RNF103: variants seen among roughly 807,000 people sequenced by gnomAD.
RNF103 encodes E3 ubiquitin-protein ligase RNF103.
Under a neutral mutation model 66.2 loss-of-function variants are expected in RNF103, and 23 were observed. The observed-to-expected ratio is 0.35, with a 90% CI of 0.25 to 0.49. RNF103 has a LOEUF of 0.49. RNF103 is among the 20% of genes least tolerant of loss of function. The pLI is 0.98. For synonymous variants in RNF103, 297 were observed against 289.9 expected, an observed-to-expected ratio of 1.02 and a Z score of -0.25; for missense variants, 730 against 814.7, an observed-to-expected ratio of 0.90 and a Z score of 1.27.
chr2:86,623,428 A>AGGCCC lies in RNF103; in HGVS notation c.-547_-543dup, dbSNP rs1679316316. ...GGAGGGCGCGGCGCTCGGCCGGGCCAGGCCCGGGGCCCAGCGTGTTCTGCG... is the reference window on the plus strand; with the variant it reads ...GGAGGGCGCGGCGCTCGGCCGGGCCAGGCCCGGCCCGGGGCCCAGCGTGTTCTGCG... On this transcript the variant is annotated 5_prime_UTR_variant, in exon 1 of 4. Transcript: ENST00000237455. 2.0e-6 allele frequency: 2 copies of AGGCCC among 980,384 alleles called. No individual in the cohort carries two copies. The highest frequency in any genetic ancestry group is 1.3e-4 in the Admixed American group (2 of 15,918). The allele number at this position is 980,384 out of a possible 1,614,324, so 60.7% of individuals were successfully genotyped here.
chr2:86,603,664 T>G lies in RNF103; in HGVS notation c.*179A>C. The G allele has an allele frequency of 1.3e-6, 1 of 797,788 alleles. No homozygotes were observed. Among genetic ancestry groups the G allele is most frequent in the African/African-American group, 1.8e-5 (1 of 57,000 alleles). The allele number at this position is 797,788 out of a possible 1,614,324, so 49.4% of individuals were successfully genotyped here. ...AATAAAAAAATTTTACAATTAGGTATGCATTCAATTAACACACAAGGCAAC... is the reference window on the plus strand; with the variant it reads ...AATAAAAAAATTTTACAATTAGGTAGGCATTCAATTAACACACAAGGCAAC... On this transcript the variant is annotated 3_prime_UTR_variant, in exon 4 of 4. Transcript: ENST00000237455.
chr2:86,606,881 G>A (rs942920775), intron 3 of RNF103, among the ~76,000 whole-genome samples: 4 of 151,884 alleles, frequency 2.6e-5, no homozygotes, highest in Non-Finnish European at 5.9e-5. Context: ...GGGCTCAAGC[G>A]ATTCTCCTGC....
intron 3 of RNF103, among the ~76,000 whole-genome samples, chr2:86,609,972 A>G (rs1573357557): frequency 6.6e-6 from 1 of 152,002 alleles, no homozygotes; most frequent in Non-Finnish European, 1.5e-5. Context: ...AATTCTGAAC[A>G]CTCTTCTCTA....
chr2:86,612,683 C>T (rs1678845368), intron 2 of RNF103: 1 of 153,438 alleles, frequency 6.5e-6, no homozygotes, highest in African/African-American at 2.4e-5. Context: ...AAAATTATCA[C>T]ATGTAGGTTC....
intron 2 of RNF103, among the ~76,000 whole-genome samples, chr2:86,616,027 C>T (rs1268748642): frequency 6.6e-6 from 1 of 152,172 alleles, no homozygotes; most frequent in African/African-American, 2.4e-5. Context: ...AATCAAAGTC[C>T]CTTCCCCAGC....
chr2:86,604,229 G>C lies in RNF103; in HGVS notation c.1672C>G (p.Gln558Glu). The change falls in exon 4 of 4, where the codon CAA (glutamine) becomes GAA (glutamate). Residue 558 changes from glutamine to glutamate, a missense_variant. This residue lies in a region of RNF103 where 355 missense variants were observed against 351.9 expected (regional missense o/e 1.01). Coordinates refer to ENST00000237455, the MANE Select transcript of RNF103 (RefSeq NM_005667.4). The part of the protein sequence containing the change: ...SSEKEVFEDK[Q>E]SVLHNSPGTA... Reference sequence around the variant, plus strand: ...CCTGGAGAATTGTGAAGTACGCTTTGCTTATCTTCAAATACTTCCTTCTCA... The same window carrying C: ...CCTGGAGAATTGTGAAGTACGCTTTCCTTATCTTCAAATACTTCCTTCTCA... The C allele has an allele frequency of 6.2e-7, 1 of 1,614,074 alleles. No individual in the cohort carries two copies. Among genetic ancestry groups the C allele is most frequent in the Non-Finnish European group, 8.5e-7 (1 of 1,180,034 alleles).
chr2:86,615,571 G>T (rs185240062), intron 2 of RNF103, among the ~76,000 whole-genome samples: 2 of 147,472 alleles, frequency 1.4e-5, no homozygotes, highest in East Asian at 2.1e-4. Flanking sequence ...TGTCATACCA[G>T]TAAGAGTCCC....
At chr2:86,617,627 C>T in intron 2 of RNF103, 1 of 980,392 alleles carries the variant, frequency 1.0e-6, no homozygotes, top group Admixed American at 6.1e-5. Context: ...GGGGGGACTA[C>T]TGTAAACAGA....
At position 86,604,435 on chromosome 2, in the gene RNF103, A is replaced by C; in HGVS notation, c.1466T>G (p.Phe489Cys). The C allele has an allele frequency of 6.2e-7, 1 of 1,614,230 alleles. No individual in the cohort carries two copies. Among genetic ancestry groups the C allele is most frequent in the Non-Finnish European group, 8.5e-7 (1 of 1,180,028 alleles). ...GTCAGGGAAAGCTAAGCGCTCCAAGAATAAGTCAGGGTCTTCGTCCCAATC... is the reference window on the plus strand; with the variant it reads ...GTCAGGGAAAGCTAAGCGCTCCAAGCATAAGTCAGGGTCTTCGTCCCAATC... ...ESDWDEDPDL[F>C]LERLAFPDLW... is the part of the protein sequence containing the mutation. The change falls in exon 4 of 4, where the codon TTC becomes TGC. Residue 489 changes from phenylalanine (F) to cysteine (C), a missense_variant. By Grantham distance (205) the Phe-to-Cys change is radical (BLOSUM62 -2). Around this residue, in one of 3 missense-constraint regions of RNF103, gnomAD observed 355 missense variants for 351.9 expected, o/e 1.01. Transcript: ENST00000237455.
Position 86,623,831 on chromosome 2 carries a change from A to G in RNF103, c.-945T>C, listed in dbSNP as rs971435305. ...GCGGCCGTACCCTCCACAACCGTGT[A>G]TCAGCGGCGGCCGCGGCCGGAGCCG... On this transcript the variant is annotated 5_prime_UTR_variant, in exon 1 of 4. Coordinates refer to ENST00000237455, the MANE Select transcript of RNF103 (RefSeq NM_005667.4). 6 of 1,288,004 alleles carry G rather than the reference A, an allele frequency of 4.7e-6. No individual in the cohort carries two copies. Among genetic ancestry groups the G allele is most frequent in the Non-Finnish European group, 6.1e-6 (6 of 988,316 alleles). 79.8% of individuals were successfully genotyped at this position (1,288,004 alleles called of 1,614,324 possible).
At position 86,617,878 on chromosome 2, in the gene RNF103, G is replaced by C. The variant is rs185201104; in HGVS notation, c.366+2452C>G. 7 of 1,081,334 alleles carry C rather than the reference G, an allele frequency of 6.5e-6. No individual in the cohort carries two copies. The East Asian group carries it at 4.6e-4, about 71-fold the overall frequency. 67.0% of individuals were successfully genotyped at this position (1,081,334 alleles called of 1,614,324 possible). A position where few individuals can be genotyped will look rare whatever the true frequency, so the allele number is the denominator to read the frequency against. On this transcript the variant is annotated intron_variant, in intron 2 of 3. Transcript: ENST00000237455. ...GCTAGTTCACAGTGCCAAGGACAGG[G>C]TTTCAATCTCATTCTTCTCAGTTGT...
rs1162005941 is a variant in RNF103 at position 86,623,263 on chromosome 2, G to GGGTCGGCCCTCCGGTGCCGC, written c.-397_-378dup. ...GGGGCGGGCACTGACCCAGGTGGCG[G>GGGTCGGCCCTCCGGTGCCGC]GGTCGGCCCTCCGGTGCCGCGATCT... On this transcript the variant is annotated 5_prime_UTR_variant, in exon 1 of 4. Transcript: ENST00000237455. 7.0e-6 allele frequency: 7 copies of GGGTCGGCCCTCCGGTGCCGC among 1,000,032 alleles called. No homozygotes were observed. The East Asian group carries it at 6.5e-4, about 93-fold the overall frequency. 61.9% of individuals were successfully genotyped at this position (1,000,032 alleles called of 1,614,324 possible).
In RNF103 at chr2:86,604,226, T is replaced by C. The variant is rs962463927; in HGVS notation, c.1675A>G (p.Ser559Gly). The C allele has an allele frequency of 6.2e-7, 1 of 1,614,138 alleles. No individual in the cohort carries two copies. Among genetic ancestry groups the C allele is most frequent in the Non-Finnish European group, 8.5e-7 (1 of 1,180,042 alleles). Residue 559 changes from serine to glycine, a missense_variant, in exon 4 of 4, where the codon AGC becomes GGC. This residue lies in a region of RNF103 where 355 missense variants were observed against 351.9 expected (regional missense o/e 1.01). Transcript: ENST00000237455. ...SEKEVFEDKQ[S>G]VLHNSPGTAS... ...GTTCCTGGAGAATTGTGAAGTACGC[T>C]TTGCTTATCTTCAAATACTTCCTTC...
intron 2 of RNF103, chr2:86,617,204 G>A (rs1489153916): frequency 1.0e-6 from 1 of 984,522 alleles, no homozygotes; most frequent in Non-Finnish European, 1.2e-6. Context: ...ACCTGGAAAA[G>A]CTTAAAAATA....
rs764796509 is a variant in RNF103 at position 86,604,421 on chromosome 2, C to T, written c.1480G>A (p.Ala494Thr). ...EDPDLFLERLAFPDLWLHPLI... is the reference protein window; with the variant it reads ...EDPDLFLERLTFPDLWLHPLI... The stretch of plus-strand genomic sequence containing the variant: ...GGGTGAAGCCAAAGGTCAGGGAAAG[C>T]TAAGCGCTCCAAGAATAAGTCAGGG... The change falls in exon 4 of 4, where the codon GCT becomes ACT. Residue 494 changes from alanine (A) to threonine (T), a missense_variant. Ala to Thr is a moderately conservative substitution (Grantham distance 58). This residue lies in a region of RNF103 where 355 missense variants were observed against 351.9 expected (regional missense o/e 1.01). Coordinates refer to ENST00000237455, the MANE Select transcript of RNF103 (RefSeq NM_005667.4). The T allele has an allele frequency of 2.5e-6, 4 of 1,614,092 alleles. No individual in the cohort carries two copies. The highest frequency in any genetic ancestry group is 1.3e-5 in the African/African-American group (1 of 74,944).
chr2:86,607,204 C>A (rs1678605839), intron 3 of RNF103, among the ~76,000 whole-genome samples: 1 of 152,128 alleles, frequency 6.6e-6, no homozygotes, highest in South Asian at 2.1e-4. Context: ...AAATATCTGA[C>A]TTCGCATTTT....
intron 2 of RNF103, chr2:86,614,792 A>G (rs1678954717): frequency 1.0e-6 from 1 of 980,786 alleles, no homozygotes; most frequent in Non-Finnish European, 1.2e-6. Context: ...AGGAAGATTA[A>G]GAAGTATCTG....
At position 86,603,999 on chromosome 2, in the gene RNF103, T is replaced by G. The variant is rs202185043; in HGVS notation, c.1902A>C (p.Leu634=). ...ACACATGACCACAAGGCAACCCCAT[T>G]AGCAAACATCCATTTTCAAAATTCT... ...CLENFENGCL[L]MGLPCGHVFH... The change falls in exon 4 of 4, where the codon CTA becomes CTC. Residue 634 remains leucine, a synonymous_variant. Coordinates refer to ENST00000237455, the MANE Select transcript of RNF103 (RefSeq NM_005667.4). 1.2e-6 allele frequency: 2 copies of G among 1,614,130 alleles called. No individual in the cohort carries two copies. Among genetic ancestry groups the G allele is most frequent in the Non-Finnish European group, 1.7e-6 (2 of 1,180,016 alleles).
At position 86,623,738 on chromosome 2, in the gene RNF103, C is replaced by G. The variant is rs1679333202; in HGVS notation, c.-852G>C. 3.9e-6 allele frequency: 5 copies of G among 1,269,624 alleles called. No individual in the cohort carries two copies. Among genetic ancestry groups the G allele is most frequent in the East Asian group, 6.5e-5 (1 of 15,436 alleles). The allele number at this position is 1,269,624 out of a possible 1,614,324, so 78.6% of individuals were successfully genotyped here. ...GGCTGCCTCCCGGCCACTCAGCGCC[C>G]GTCCCGCTCGGATGGGCAGTGCCGG... is the stretch of plus-strand genomic sequence containing the variant. On this transcript the variant is annotated 5_prime_UTR_variant, in exon 1 of 4. Transcript: ENST00000237455.
Sources: allele counts gnomAD v4.1 joint callset (sites outside exome capture counted in the v4.1 genomes callset), GRCh38; gene constraint gnomAD v4.1.1; regional missense constraint gnomAD v4.1.1; transcripts MANE v1.5; gene names NCBI Gene and HGNC (gene_info 2026-07-23, HGNC 2026-07-21).